KLHL32: variants seen among roughly 807,000 people sequenced by gnomAD.
KLHL32 encodes the protein kelch-like protein 32.
Under a neutral mutation model 64.8 loss-of-function variants are expected in KLHL32, and 35 were observed. That is an observed-to-expected ratio of 0.54 (90% CI 0.41 to 0.72). KLHL32 has a LOEUF of 0.72. KLHL32 is among the 30% of genes least tolerant of loss of function. The pLI, the probability that KLHL32 is intolerant of heterozygous loss-of-function variation, is 0.00. For synonymous variants in KLHL32, 259 were observed against 281.0 expected, an observed-to-expected ratio of 0.92 and a Z score of 0.78; for missense variants, 589 against 768.5, an observed-to-expected ratio of 0.77 and a Z score of 2.76.
At chr6:96,917,460 A>C in the KLHL32 span, among the ~76,000 whole-genome samples, 6 of 152,354 alleles carry the variant, frequency 3.9e-5, no homozygotes, top group African/African-American at 1.4e-4. Context: ...CCTGAGGTCC[A>C]TGCCCCAATC....
intron 3 of KLHL32, among the ~76,000 whole-genome samples, chr6:97,000,004 GAT>G (rs1778843967): frequency 6.6e-6 from 1 of 152,094 alleles, no homozygotes; most frequent in East Asian, 1.9e-4. Context: ...GAATGTCTGT[GAT>G]CAGAACCTAA....
chr6:96,960,832 T>A (rs2128025095), intron 1 of KLHL32, among the ~76,000 whole-genome samples: 1 of 152,302 alleles, frequency 6.6e-6, no homozygotes, highest in South Asian at 2.1e-4. Flanking sequence ...ATAGGTAGAT[T>A]CAAAGATTTT....
chr6:97,001,709 AT>A (rs1779057188), intron 3 of KLHL32, among the ~76,000 whole-genome samples: 1 of 152,234 alleles, frequency 6.6e-6, no homozygotes, highest in Non-Finnish European at 1.5e-5. Context: ...TAAAAACAAA[AT>A]GTATTCCTTT....
At chr6:97,138,046 C>T (rs190052373) in intron 10 of KLHL32, among the ~76,000 whole-genome samples, 4 of 152,212 alleles carry the variant, frequency 2.6e-5, no homozygotes, top group East Asian at 1.9e-4. Context: ...ACCAAATCCA[C>T]GGGAGGCAAA....
At chr6:96,990,654 A>T (rs1777746315) in intron 3 of KLHL32, among the ~76,000 whole-genome samples, 1 of 151,256 alleles carries the variant, frequency 6.6e-6, no homozygotes, top group Non-Finnish European at 1.5e-5. Flanking sequence ...GCAGAGAGCC[A>T]TTCACTTGTC....
chr6:97,009,522 T>G (rs968085659), intron 3 of KLHL32, among the ~76,000 whole-genome samples: 13 of 152,202 alleles, frequency 8.5e-5, no homozygotes, highest in Admixed American at 1.3e-4. Flanking sequence ...TTGAAATGTT[T>G]GGAAAGTTGT....
chr6:97,132,853 T>A, intron 10 of KLHL32, 106 bp downstream of exon 10: 1 of 747,544 alleles, frequency 1.3e-6, no homozygotes, highest in Non-Finnish European at 2.1e-6. Flanking sequence ...GAAAGAGGCT[T>A]AACGTCCCGT....
At chr6:97,117,770 A>C (rs1247799269) in intron 7 of KLHL32, among the ~76,000 whole-genome samples, 1 of 152,212 alleles carries the variant, frequency 6.6e-6, no homozygotes, top group African/African-American at 2.4e-5. Flanking sequence ...TAGTTTGTGA[A>C]CTACTAAAAA....
intron 6 of KLHL32, among the ~76,000 whole-genome samples, chr6:97,108,517 T>C (rs1796705150): frequency 6.6e-6 from 1 of 152,212 alleles, no homozygotes; most frequent in African/African-American, 2.4e-5. Context: ...CAGTGAATAA[T>C]GTTAGATGAG....
chr6:97,010,927 C>G (rs1316546524), intron 3 of KLHL32, among the ~76,000 whole-genome samples: 1 of 152,058 alleles, frequency 6.6e-6, no homozygotes, highest in African/African-American at 2.4e-5. Context: ...GGAGATTGTC[C>G]AGCAGAGGAA....
chr6:97,090,303 T>C (rs1794045145), intron 6 of KLHL32, among the ~76,000 whole-genome samples: 1 of 152,354 alleles, frequency 6.6e-6, no homozygotes, highest in South Asian at 2.1e-4. Flanking sequence ...TTTTTCCTTA[T>C]ATTTTTGTTG....
intron 4 of KLHL32, among the ~76,000 whole-genome samples, chr6:97,056,318 G>T (rs1483461195): frequency 1.3e-5 from 2 of 151,946 alleles, no homozygotes; most frequent in Non-Finnish European, 2.9e-5. Context: ...TGTTAGCCAG[G>T]ATGGTCTTGA....
intron 5 of KLHL32, among the ~76,000 whole-genome samples, chr6:97,068,345 A>G (rs1790145929): frequency 6.6e-6 from 1 of 152,210 alleles, no homozygotes; most frequent in Non-Finnish European, 1.5e-5. Context: ...TAAAACCACC[A>G]AAGTACTGAA....
chr6:96,994,635 T>C, intron 3 of KLHL32: 1 of 984,810 alleles, frequency 1.0e-6, no homozygotes, highest in Non-Finnish European at 1.2e-6. Context: ...GCTTTTCTTG[T>C]TTAAAATATG....
At chr6:96,915,195 C>T in the KLHL32 span, among the ~76,000 whole-genome samples, 29 of 152,238 alleles carry the variant, frequency 1.9e-4, no homozygotes, top group African/African-American at 6.5e-4. Context: ...ATAATTTAAT[C>T]TCAATGGTAC....
At chr6:97,071,636 C>T (rs894203421) in intron 5 of KLHL32, among the ~76,000 whole-genome samples, 1 of 152,162 alleles carries the variant, frequency 6.6e-6, no homozygotes, top group Non-Finnish European at 1.5e-5. Context: ...CCTCCTCATC[C>T]TCCCTGTCTT....
At chr6:97,101,264 G>T (rs1795690451) in intron 6 of KLHL32, among the ~76,000 whole-genome samples, 1 of 152,050 alleles carries the variant, frequency 6.6e-6, no homozygotes, top group African/African-American at 2.4e-5. Flanking sequence ...ATAGAAAGAT[G>T]ATTCGTGTGC....
chr6:97,108,041 C>T (rs554075199), intron 6 of KLHL32, among the ~76,000 whole-genome samples: 1 of 152,258 alleles, frequency 6.6e-6, no homozygotes, highest in Admixed American at 6.5e-5. Flanking sequence ...GCTTGAGAGA[C>T]CTCCTGTTGT....
intron 3 of KLHL32, among the ~76,000 whole-genome samples, chr6:97,003,142 T>C (rs543166703): frequency 6.6e-6 from 1 of 152,290 alleles, no homozygotes; most frequent in African/African-American, 2.4e-5. Flanking sequence ...CTTTTCTCTG[T>C]AACCTTGCCA....
Sources: gnomAD v4.1 joint callset for allele counts (sites outside exome capture counted in the v4.1 genomes callset) on GRCh38, gnomAD v4.1.1 for gene constraint, MANE v1.5 for transcripts, NCBI Gene and HGNC (gene_info 2026-07-23, HGNC 2026-07-21) for gene names.